The following CDH13 variants were observed in gnomAD, a reference collection of about 807,000 sequenced individuals.
CDH13 encodes cadherin 13, also known as cadherin-13.
Under a neutral mutation model 63.8 loss-of-function variants are expected in CDH13, and 24 were observed. The ratio of observed to expected loss-of-function variants is 0.38; its 90% CI spans 0.27 to 0.53. The LOEUF is 0.53. CDH13 is among the 20% of genes least tolerant of loss of function. CDH13 has a pLI of 0.85. For synonymous variants in CDH13, 503 were observed against 355.3 expected, an observed-to-expected ratio of 1.42 and a Z score of -4.67; for missense variants, 1,049 against 903.1, an observed-to-expected ratio of 1.16 and a Z score of -2.07.
At chr16:82,976,630 G>C (rs1866019317) in intron 2 of CDH13, among the ~76,000 whole-genome samples, 1 of 152,182 alleles carries the variant, frequency 6.6e-6, no homozygotes, top group Non-Finnish European at 1.5e-5. Context: ...AGGAGATTGA[G>C]ACTTGCTTGC....
rs540290339 is a variant in CDH13, at chr16:83,466,995, T to A, written c.782-19482T>A. On this transcript the variant is annotated intron_variant, in intron 6 of 13. Coordinates refer to ENST00000567109, the MANE Select transcript of CDH13 (RefSeq NM_001257.5). The stretch of plus-strand genomic sequence containing the variant: ...TCCTGATAGTCTCTGCTTTATGTAT[T>A]TTCCTTAAAAACCACAGGAACCAGC... 1.3e-3 allele frequency among the ~76,000 whole-genome samples: 192 copies of A among 152,270 alleles called. 1 individual carries two copies. Among genetic ancestry groups the A allele is most frequent in the African/African-American group, 4.5e-3 (185 of 41,550 alleles).
At chr16:82,916,644 TCA>T (rs2151273873) in intron 2 of CDH13, among the ~76,000 whole-genome samples, 1 of 152,122 alleles carries the variant, frequency 6.6e-6, no homozygotes, top group African/African-American at 2.4e-5. Flanking sequence ...AGATACATTC[TCA>T]TAAAGCCCAG....
intron 6 of CDH13, among the ~76,000 whole-genome samples, chr16:83,368,543 T>G (rs1358773252): frequency 2.6e-4 from 40 of 152,010 alleles, no homozygotes; most frequent in Non-Finnish European, 2.9e-5. Context: ...TTCAATAGGT[T>G]TTTTGGGAAC....
At chr16:83,459,180 C>G (rs1365136524) in intron 6 of CDH13, among the ~76,000 whole-genome samples, 1 of 152,158 alleles carries the variant, frequency 6.6e-6, no homozygotes, top group Non-Finnish European at 1.5e-5. Flanking sequence ...ATGAAAATAA[C>G]AGAACTCAGA....
intron 2 of CDH13, among the ~76,000 whole-genome samples, chr16:83,023,552 A>C (rs1484265128): frequency 6.6e-6 from 1 of 152,208 alleles, no homozygotes; most frequent in Admixed American, 6.5e-5. Context: ...TTGTTTAGTC[A>C]CATCTTTCAG....
At chr16:83,179,949 CT>C (rs2038281602) in intron 4 of CDH13, among the ~76,000 whole-genome samples, 2 of 151,494 alleles carry the variant, frequency 1.3e-5, no homozygotes. Flanking sequence ...GAATAGCTTA[CT>C]TTCAATGACT....
At chr16:82,886,197 A>G (rs1028763232) in intron 2 of CDH13, among the ~76,000 whole-genome samples, 10 of 152,344 alleles carry the variant, frequency 6.6e-5, no homozygotes, top group South Asian at 2.1e-4. Flanking sequence ...TTTAGACTAT[A>G]TCAAATTTCT....
chr16:82,975,011 T>G, intron 2 of CDH13, among the ~76,000 whole-genome samples: 1 of 152,164 alleles, frequency 6.6e-6, no homozygotes, highest in East Asian at 1.9e-4. Flanking sequence ...CCCACATTTC[T>G]GATAGCCGCA....
chr16:82,985,249 C>T (rs1910787705), intron 2 of CDH13, among the ~76,000 whole-genome samples: 1 of 152,130 alleles, frequency 6.6e-6, no homozygotes, highest in African/African-American at 2.4e-5. Context: ...CTTAGGAGAA[C>T]TTCTTTTGAA....
chr16:83,033,515 G>C (rs186211370), intron 3 of CDH13, among the ~76,000 whole-genome samples: 3 of 152,188 alleles, frequency 2.0e-5, no homozygotes, highest in Non-Finnish European at 4.4e-5. Flanking sequence ...CGCATATACT[G>C]TGTATATGTA....
At position 82,908,694 on chromosome 16, in the gene CDH13, C is replaced by A. The variant is rs570448746; in HGVS notation, c.157+50221C>A. 4.0e-4 allele frequency among the ~76,000 whole-genome samples: 61 copies of A among 152,312 alleles called. 1 individual carries two copies. The highest frequency in any genetic ancestry group is 4.4e-5 in the Non-Finnish European group (3 of 68,032). ...TCTCACATTTAGGTACATACAATCA[C>A]CCCTCGGTATCTGTGGGGGCCAAAA... On this transcript the variant is annotated intron_variant, in intron 2 of 13. Transcript: ENST00000567109.
chr16:83,339,060 G>A (rs1277079554), intron 5 of CDH13, among the ~76,000 whole-genome samples: 1 of 152,188 alleles, frequency 6.6e-6, no homozygotes, highest in Non-Finnish European at 1.5e-5. Context: ...AGGGCGCCTT[G>A]CACAGTAGCC....
intron 5 of CDH13, among the ~76,000 whole-genome samples, chr16:83,243,679 T>C (rs546976796): frequency 6.6e-6 from 1 of 152,266 alleles, no homozygotes; most frequent in South Asian, 2.1e-4. Flanking sequence ...TGTCCAAAAC[T>C]GGAGTGCTTT....
intron 4 of CDH13, among the ~76,000 whole-genome samples, chr16:83,145,640 C>T (rs1170102366): frequency 6.6e-6 from 1 of 152,190 alleles, no homozygotes; most frequent in Non-Finnish European, 1.5e-5. Context: ...GAAGAACATT[C>T]TATAGATCGA....
At chr16:83,402,976 G>A (rs1035403456) in intron 6 of CDH13, among the ~76,000 whole-genome samples, 5 of 152,018 alleles carry the variant, frequency 3.3e-5, no homozygotes, top group African/African-American at 1.2e-4. Context: ...TCAGGAGGAC[G>A]CTGCTTCTTA....
At chr16:82,705,571 A>T (rs1230081608) in intron 1 of CDH13, among the ~76,000 whole-genome samples, 1 of 152,204 alleles carries the variant, frequency 6.6e-6, no homozygotes, top group African/African-American at 2.4e-5. Context: ...GACTAATTCA[A>T]AAATTAATAA....
At chr16:83,314,777 A>AT (rs1186444727) in intron 5 of CDH13, among the ~76,000 whole-genome samples, 1 of 152,234 alleles carries the variant, frequency 6.6e-6, no homozygotes, top group Non-Finnish European at 1.5e-5. Context: ...TTGACTTTAC[A>AT]TTCCAAATTC....
chr16:83,675,060 C>T (rs527656237), intron 9 of CDH13, among the ~76,000 whole-genome samples: 2 of 152,232 alleles, frequency 1.3e-5, no homozygotes, highest in South Asian at 4.1e-4. Flanking sequence ...TGGTTTACAC[C>T]CTCTCTTGTC....
At chr16:83,585,155 T>C (rs547251071) in intron 7 of CDH13, among the ~76,000 whole-genome samples, 8 of 152,264 alleles carry the variant, frequency 5.3e-5, no homozygotes, top group East Asian at 1.9e-4. Flanking sequence ...CTGTGTGCCA[T>C]ACCCTAAGCT....
Sources: gnomAD v4.1 joint callset for allele counts (sites outside exome capture counted in the v4.1 genomes callset) on GRCh38, gnomAD v4.1.1 for gene constraint, MANE v1.5 for transcripts, NCBI Gene and HGNC (gene_info 2026-07-23, HGNC 2026-07-21) for gene names.